ILDR1: variants seen among roughly 807,000 people sequenced by gnomAD.
ILDR1 encodes the protein immunoglobulin like domain containing receptor 1, also known as immunoglobulin-like domain-containing receptor 1.
A neutral mutation model predicts 62.4 loss-of-function variants in ILDR1; 56 were observed. The observed-to-expected ratio is 0.90, with a 90% CI of 0.72 to 1.12. The LOEUF is 1.12. Among genes scored for constraint, ILDR1 ranks in the 50% most tolerant of loss-of-function variants. The probability of loss-of-function intolerance (pLI) is 0.00; values close to 1 mark genes in which losing one functional copy is unlikely to be tolerated. For synonymous variants in ILDR1, 284 were observed against 277.8 expected, an observed-to-expected ratio of 1.02 and a Z score of -0.22; for missense variants, 736 against 710.6, an observed-to-expected ratio of 1.04 and a Z score of -0.41.
rs1378433220 is a variant in ILDR1, at chr3:121,987,581, T to C, written c.*786A>G. Reference sequence around the variant, plus strand: ...ATAGTCCATTTATGGGCTGGCAGGATAAACTCCTAACAAGAAAGGACCCTC... The same window carrying C: ...ATAGTCCATTTATGGGCTGGCAGGACAAACTCCTAACAAGAAAGGACCCTC... On this transcript the variant is annotated 3_prime_UTR_variant, in exon 8 of 8. Transcript: ENST00000344209. 1.3e-5 allele frequency: 2 copies of C among 152,306 alleles called. No individual in the cohort carries two copies. Among genetic ancestry groups the C allele is most frequent in the African/African-American group, 4.8e-5 (2 of 41,438 alleles). 9.4% of individuals were successfully genotyped at this position (152,306 alleles called of 1,614,324 possible). A position where few individuals can be genotyped will look rare whatever the true frequency, so the allele number is the denominator to read the frequency against.
the ILDR1 span, among the ~76,000 whole-genome samples, chr3:122,053,144 G>C: frequency 1.3e-5 from 2 of 152,106 alleles, no homozygotes; most frequent in Non-Finnish European, 2.9e-5. Context: ...GCACAGGCTG[G>C]GGTTTCTCAT....
At chr3:122,060,603 C>T in the ILDR1 span, among the ~76,000 whole-genome samples, 1 of 151,632 alleles carries the variant, frequency 6.6e-6, no homozygotes, top group East Asian at 1.9e-4. Context: ...GTCTGAGCAA[C>T]ATAGCGAGAC....
At chr3:122,044,524 T>C in the ILDR1 span, among the ~76,000 whole-genome samples, 1 of 150,010 alleles carries the variant, frequency 6.7e-6, no homozygotes, top group Non-Finnish European at 1.5e-5. Flanking sequence ...CTGGTAGAAT[T>C]CGGCTGTGAA....
chr3:122,046,606 C>T, the ILDR1 span, among the ~76,000 whole-genome samples: 15 of 151,138 alleles, frequency 9.9e-5, no homozygotes, highest in Non-Finnish European at 2.1e-4. Flanking sequence ...TTCTTGGAGG[C>T]TTTGCTCGTT....
chr3:122,015,633 T>G (rs2107676008), intron 1 of ILDR1, among the ~76,000 whole-genome samples: 1 of 152,322 alleles, frequency 6.6e-6, no homozygotes, highest in South Asian at 2.1e-4. Context: ...TTGCTTCCCC[T>G]TCTGCCATGA....
intron 5 of ILDR1, among the ~76,000 whole-genome samples, chr3:121,996,440 A>G (rs771708734): frequency 6.6e-6 from 1 of 152,176 alleles, no homozygotes; most frequent in Non-Finnish European, 1.5e-5. Flanking sequence ...ATGAAACAGG[A>G]TGGAAGACAC....
chr3:122,011,678 C>CACACACACACACAT (rs1491554608), intron 1 of ILDR1, among the ~76,000 whole-genome samples: 7 of 48,478 alleles, frequency 1.4e-4, no homozygotes, highest in African/African-American at 7.9e-4. Context: ...CTCTCTCTTT[C>CACACACACACACAT]ACACACACAC....
At chr3:122,055,421 G>C in the ILDR1 span, 3 of 1,503,302 alleles carry the variant, frequency 2.0e-6, no homozygotes, top group Non-Finnish European at 2.8e-6. Context: ...TGCTGTAACA[G>C]GGACTAGCAC....
intron 6 of ILDR1, 34 bp from the exon 7 acceptor site, chr3:121,994,004 A>G (rs1177117873): frequency 6.3e-7 from 1 of 1,590,380 alleles, no homozygotes; most frequent in Non-Finnish European, 8.5e-7. Context: ...AATAGAACAA[A>G]TGGCCCAAAA....
the ILDR1 span, among the ~76,000 whole-genome samples, chr3:122,054,402 AGTT>A: frequency 2.6e-5 from 4 of 151,702 alleles, no homozygotes; most frequent in African/African-American, 4.8e-5. Context: ...TTTCTGTTGC[AGTT>A]GTTGTTTTCT....
chr3:122,002,777 C>T (rs890156945), intron 3 of ILDR1, among the ~76,000 whole-genome samples: 1 of 152,122 alleles, frequency 6.6e-6, no homozygotes. Context: ...TACATCCCCA[C>T]ACCCTCCAAC....
At chr3:122,002,188 CT>C (rs1296507117) in intron 3 of ILDR1, among the ~76,000 whole-genome samples, 1 of 152,120 alleles carries the variant, frequency 6.6e-6, no homozygotes, top group Non-Finnish European at 1.5e-5. Flanking sequence ...GTATATGGGG[CT>C]TTTACTTACT....
At chr3:122,022,683 G>C (rs942135822), upstream of ILDR1, among the ~76,000 whole-genome samples, 3 of 152,174 alleles carry the variant, frequency 2.0e-5, no homozygotes, top group Admixed American at 2.0e-4. Context: ...TTGGGAGGCC[G>C]AGGCGGGTGG....
the ILDR1 span, among the ~76,000 whole-genome samples, chr3:122,053,871 T>C: frequency 1.3e-5 from 2 of 152,232 alleles, no homozygotes; most frequent in Non-Finnish European, 2.9e-5. Flanking sequence ...CCTTTAATAT[T>C]TAATATTTAT....
intron 3 of ILDR1, among the ~76,000 whole-genome samples, chr3:122,003,200 C>T (rs1339228784): frequency 6.6e-6 from 1 of 152,210 alleles, no homozygotes; most frequent in Non-Finnish European, 1.5e-5. Context: ...TACAGACTTG[C>T]TCCTGCTAGG....
chr3:122,008,616 T>C (rs2071653921), intron 1 of ILDR1, among the ~76,000 whole-genome samples: 2 of 141,354 alleles, frequency 1.4e-5, no homozygotes, highest in African/African-American at 5.4e-5. Context: ...TTTTTTGAGA[T>C]AGAGTCTCGC....
the ILDR1 span, among the ~76,000 whole-genome samples, chr3:122,040,700 T>A: frequency 1.4e-5 from 1 of 72,710 alleles, no homozygotes; most frequent in African/African-American, 4.9e-5. Context: ...CAAATAATGC[T>A]AGAACAACTG....
the ILDR1 span, among the ~76,000 whole-genome samples, chr3:122,040,464 TA>T: frequency 3.3e-5 from 5 of 151,768 alleles, no homozygotes; most frequent in Non-Finnish European, 7.4e-5. Context: ...AAGGAAAATA[TA>T]AAAAATAATA....
chr3:122,021,934 T>A, intron 1 of ILDR1, 86 bp downstream of exon 1: 1 of 1,356,516 alleles, frequency 7.4e-7, no homozygotes, highest in East Asian at 2.5e-5. Flanking sequence ...TCCACTGCCC[T>A]GCCCGCGGCC....
Sources: allele counts gnomAD v4.1 joint callset (sites outside exome capture counted in the v4.1 genomes callset), GRCh38; gene constraint gnomAD v4.1.1; transcripts MANE v1.5; gene names NCBI Gene and HGNC (gene_info 2026-07-23, HGNC 2026-07-21).